Variants in SYT11 observed in about 807,000 individuals in gnomAD.
The protein encoded by SYT11 is synaptotagmin-11.
SYT11 carries 12 observed loss-of-function variants against 30.4 expected under a neutral mutation model. The observed-to-expected ratio is 0.39, with a 90% CI of 0.25 to 0.64. The LOEUF (loss-of-function observed/expected upper bound fraction) is 0.64, where lower values mean the gene tolerates loss of function less well. Among genes scored for constraint, SYT11 ranks in the 30% least tolerant of loss-of-function variants. The pLI, the probability that SYT11 is intolerant of heterozygous loss-of-function variation, is 0.45. For synonymous variants in SYT11, 204 were observed against 216.0 expected (o/e 0.94, Z 0.49); for missense variants, 412 against 552.0 (o/e 0.75, Z 2.54).
chr1:155,884,401 C>T lies in SYT11; in HGVS notation c.*2893C>T, dbSNP rs1200323026. 1 of 152,858 alleles carries T rather than the reference C, an allele frequency of 6.5e-6. No individual in the cohort carries two copies. Among genetic ancestry groups the T allele is most frequent in the African/African-American group, 2.4e-5 (1 of 41,442 alleles). 9.5% of individuals were successfully genotyped at this position (152,858 alleles called of 1,614,324 possible). ...CAGTTGTTCTGTAGCCTAGGAACTG[C>T]CTCAGTGTCTTTGCCAGAAAAAGGC... On this transcript the variant is annotated 3_prime_UTR_variant, in exon 4 of 4. Transcript: ENST00000368324.
At chr1:155,879,869 G>A (rs936646518) in intron 2 of SYT11, among the ~76,000 whole-genome samples, 1 of 152,212 alleles carries the variant, frequency 6.6e-6, no homozygotes, top group Non-Finnish European at 1.5e-5. Flanking sequence ...CTGAAGTACA[G>A]AGATGTTGAG....
chr1:155,865,708 C>T (rs528462113), intron 1 of SYT11, among the ~76,000 whole-genome samples: 4 of 150,844 alleles, frequency 2.7e-5, no homozygotes, highest in African/African-American at 4.9e-5. Flanking sequence ...TTTTTTTCCT[C>T]GCTCTGTTGC....
At chr1:155,873,832 TC>T (rs1288109430) in intron 2 of SYT11, among the ~76,000 whole-genome samples, 1 of 152,224 alleles carries the variant, frequency 6.6e-6, no homozygotes. Flanking sequence ...ATTGGATAGC[TC>T]AGTTCTGAAT....
chr1:155,884,860 TG>T lies in SYT11; in HGVS notation c.*3355del, dbSNP rs1673042515. The T allele has an allele frequency of 6.5e-6, 1 of 152,770 alleles. No homozygotes were observed. Among genetic ancestry groups the T allele is most frequent in the South Asian group, 2.1e-4 (1 of 4,824 alleles). 9.5% of individuals were successfully genotyped at this position (152,770 alleles called of 1,614,324 possible). ...TGTGAAAACAGATAGAACTGGTTTG[TG>T]GGACAGGGGCAGCTTGCTCAGGAGA... On this transcript the variant is annotated 3_prime_UTR_variant, in exon 4 of 4. Coordinates refer to ENST00000368324, the MANE Select transcript of SYT11 (RefSeq NM_152280.5).
rs374290876 is a variant in SYT11, at chr1:155,868,246, C to A, written c.316C>A (p.Arg106=). 46 of 1,613,854 alleles carry A rather than the reference C, an allele frequency of 2.9e-5. No individual in the cohort carries two copies. Among genetic ancestry groups the A allele is most frequent in the Middle Eastern group, 3.3e-4 (2 of 6,084 alleles). The part of the protein sequence containing the change: ...VDAAEAGLLS[R]DKDPRGPSSG... ...CGCAGCAGAGGCTGGCCTGCTAAGCCGAGACAAAGATCCCAGGGGGCCTAG... is the reference window on the plus strand; with the variant it reads ...CGCAGCAGAGGCTGGCCTGCTAAGCAGAGACAAAGATCCCAGGGGGCCTAG... Residue 106 remains arginine, a synonymous_variant, in exon 2 of 4, where the codon CGA becomes AGA. Transcript: ENST00000368324. The surrounding 1 kb of genome is among the most constrained non-coding windows in gnomAD (Gnocchi z 4.7).
rs1300959846 is a variant in SYT11 at position 155,884,389 on chromosome 1, G to C, written c.*2881G>C. ...CAGGGGAGGAACCAGTTGTTCTGTA[G>C]CCTAGGAACTGCCTCAGTGTCTTTG... On this transcript the variant is annotated 3_prime_UTR_variant, in exon 4 of 4. Coordinates refer to ENST00000368324, the MANE Select transcript of SYT11 (RefSeq NM_152280.5). 6.5e-6 allele frequency: 1 copy of C among 152,880 alleles called. No individual in the cohort carries two copies. Among genetic ancestry groups the C allele is most frequent in the East Asian group, 1.9e-4 (1 of 5,332 alleles). The allele number at this position is 152,880 out of a possible 1,614,324, so 9.5% of individuals were successfully genotyped here.
chr1:155,878,834 T>C (rs980661782), intron 2 of SYT11, among the ~76,000 whole-genome samples: 1 of 151,364 alleles, frequency 6.6e-6, no homozygotes, highest in Non-Finnish European at 1.5e-5. Context: ...GCCACTACAC[T>C]CCAGCCTGGG....
chr1:155,877,089 T>C (rs1179167554), intron 2 of SYT11, among the ~76,000 whole-genome samples: 1 of 151,350 alleles, frequency 6.6e-6, no homozygotes, highest in East Asian at 2.0e-4. Flanking sequence ...TGCCTCAGCC[T>C]CCTAAGTAGC....
chr1:155,864,764 G>A (rs1031862266), intron 1 of SYT11, among the ~76,000 whole-genome samples: 1 of 142,630 alleles, frequency 7.0e-6, no homozygotes, highest in Non-Finnish European at 1.5e-5. Context: ...AGAATGGAGT[G>A]CAGTAGCACA....
At chr1:155,875,724 T>C (rs1239770940) in intron 2 of SYT11, among the ~76,000 whole-genome samples, 2 of 152,246 alleles carry the variant, frequency 1.3e-5, no homozygotes, top group South Asian at 2.1e-4. Flanking sequence ...TTTTATGCCC[T>C]GTGAGAGACA....
At chr1:155,875,577 G>C (rs1311284576) in intron 2 of SYT11, among the ~76,000 whole-genome samples, 1 of 151,964 alleles carries the variant, frequency 6.6e-6, no homozygotes, top group Non-Finnish European at 1.5e-5. Flanking sequence ...CTAATTTTTT[G>C]TATTTTTAGT....
intron 2 of SYT11, among the ~76,000 whole-genome samples, chr1:155,879,588 C>T (rs891647159): frequency 2.6e-5 from 4 of 152,134 alleles, no homozygotes; most frequent in Non-Finnish European, 4.4e-5. Flanking sequence ...TGGATATTCA[C>T]CCTGTGAAAT....
chr1:155,876,235 C>CTTTTTTTTTTTTTTTT (rs67952920), intron 2 of SYT11, among the ~76,000 whole-genome samples: 3 of 96,118 alleles, frequency 3.1e-5, no homozygotes, highest in African/African-American at 4.0e-5. Context: ...ACTCACCTCC[C>CTTTTTTTTTTTTTTTT]TTTTTTTTTT....
rs1673005944 is a variant in SYT11 at position 155,883,010 on chromosome 1, C to T, written c.*1502C>T. 6.6e-6 allele frequency: 1 copy of T among 152,330 alleles called. No individual in the cohort carries two copies. Among genetic ancestry groups the T allele is most frequent in the Admixed American group, 6.5e-5 (1 of 15,280 alleles). The allele number at this position is 152,330 out of a possible 1,614,324, so 9.4% of individuals were successfully genotyped here. A position where few individuals can be genotyped will look rare whatever the true frequency, so the allele number is the denominator to read the frequency against. On this transcript the variant is annotated 3_prime_UTR_variant, in exon 4 of 4. Coordinates refer to ENST00000368324, the MANE Select transcript of SYT11 (RefSeq NM_152280.5). The stretch of plus-strand genomic sequence containing the variant: ...TGAATGAAGATAAGTTGGATTCTTT[C>T]AGAGCATTCTTTTCCTCAAAACGAG...
chr1:155,871,148 T>C (rs1557948269), intron 2 of SYT11, among the ~76,000 whole-genome samples: 1 of 152,134 alleles, frequency 6.6e-6, no homozygotes, highest in Non-Finnish European at 1.5e-5. Flanking sequence ...CAGGATACAA[T>C]GAGACATCCC....
At chr1:155,866,984 A>G (rs1672689225) in intron 1 of SYT11, among the ~76,000 whole-genome samples, 2 of 102,814 alleles carry the variant, frequency 1.9e-5, no homozygotes, top group African/African-American at 5.4e-5. Context: ...ACACACACAC[A>G]CACACACATA....
Position 155,881,328 on chromosome 1 carries a change from G to T in SYT11, c.1116G>T (p.Leu372=), listed in dbSNP as rs1475636903. ...TCTACGACATCCCCACTGACCTCCTGCCTGATATCAGCATCGAGTTCCTCG... is the reference window on the plus strand; with the variant it reads ...TCTACGACATCCCCACTGACCTCCTTCCTGATATCAGCATCGAGTTCCTCG... ...SFIYDIPTDL[L]PDISIEFLVI... is the part of the protein sequence containing the mutation. The change falls in exon 4 of 4, where the codon CTG becomes CTT. Residue 372 remains leucine, a synonymous_variant. Coordinates refer to ENST00000368324, the MANE Select transcript of SYT11 (RefSeq NM_152280.5). 6.2e-7 allele frequency: 1 copy of T among 1,614,166 alleles called. No individual in the cohort carries two copies. Among genetic ancestry groups the T allele is most frequent in the Non-Finnish European group, 8.5e-7 (1 of 1,180,030 alleles).
intron 1 of SYT11, among the ~76,000 whole-genome samples, chr1:155,867,739 G>A (rs1672703562): frequency 6.6e-6 from 1 of 152,196 alleles, no homozygotes; most frequent in African/African-American, 2.4e-5. Flanking sequence ...GTGCTTCAGA[G>A]AAGGCTTTCT....
At chr1:155,877,038 G>GCTCA (rs1354605876) in intron 2 of SYT11, among the ~76,000 whole-genome samples, 3 of 150,012 alleles carry the variant, frequency 2.0e-5, no homozygotes, top group Admixed American at 1.3e-4. Flanking sequence ...TACAATCTCG[G>GCTCA]CTCACTGCAA....
Sources: allele counts gnomAD v4.1 joint callset (sites outside exome capture counted in the v4.1 genomes callset), GRCh38; gene constraint gnomAD v4.1.1; non-coding constraint Gnocchi (gnomAD v3.1); transcripts MANE v1.5; gene names NCBI Gene and HGNC (gene_info 2026-07-23, HGNC 2026-07-21).